Variants in PANK1 observed in about 807,000 individuals in gnomAD.
PANK1 encodes the protein pantothenate kinase 1.
PANK1 carries 18 observed loss-of-function variants against 40.1 expected under a neutral mutation model. The ratio of observed to expected loss-of-function variants is 0.45; its 90% CI spans 0.31 to 0.67. The LOEUF is 0.67. PANK1 is among the 30% of genes least tolerant of loss of function. The pLI is 0.06. For missense variants in PANK1, 457 were observed against 599.6 expected, an observed-to-expected ratio of 0.76 and a Z score of 2.48; for synonymous variants, 242 against 237.7, an observed-to-expected ratio of 1.02 and a Z score of -0.17.
At chr10:89,609,887 C>G (rs75763135) in intron 2 of PANK1, among the ~76,000 whole-genome samples, 1 of 152,280 alleles carries the variant, frequency 6.6e-6, no homozygotes, top group East Asian at 1.9e-4. Flanking sequence ...ATACGTTACC[C>G]CAGGGGAGAG....
chr10:89,593,314 G>A lies in PANK1; in HGVS notation c.1083C>T (p.Gly361=), dbSNP rs1844460952. Residue 361 remains glycine, a synonymous_variant, in exon 5 of 7, where the codon GGC becomes GGT. Coordinates refer to ENST00000307534, the MANE Select transcript of PANK1 (RefSeq NM_148977.3). Reference sequence around the variant, plus strand: ...CTCGCTTTTCTTTACTCATCATGTTGCCAAAGCTATGTTGGAAATATCAGC... The same window carrying A: ...CTCGCTTTTCTTTACTCATCATGTTACCAAAGCTATGTTGGAAATATCAGC... The part of the protein sequence containing the change: ...LQGSAVASSF[G]NMMSKEKRDS... 6.2e-7 allele frequency: 1 copy of A among 1,613,496 alleles called. No individual in the cohort carries two copies. Among genetic ancestry groups the A allele is most frequent in the Admixed American group, 1.7e-5 (1 of 59,984 alleles).
chr10:89,625,515 C>CT (rs1426684577), intron 1 of PANK1, among the ~76,000 whole-genome samples: 1 of 152,180 alleles, frequency 6.6e-6, no homozygotes, highest in Non-Finnish European at 1.5e-5. Context: ...GGGCTCCTCT[C>CT]TCCCCCTGAC....
intron 1 of PANK1, chr10:89,644,038 T>C: frequency 3.1e-6 from 1 of 325,588 alleles, no homozygotes; most frequent in African/African-American, 2.1e-5. Flanking sequence ...AACCCTCTCA[T>C]TGGCCGTGAA....
At chr10:89,604,051 T>G (rs1463112462) in intron 2 of PANK1, among the ~76,000 whole-genome samples, 1 of 152,192 alleles carries the variant, frequency 6.6e-6, no homozygotes, top group Non-Finnish European at 1.5e-5. Context: ...ACTGGTCCCT[T>G]GGAGATTTCT....
At chr10:89,620,079 A>G (rs2133977636) in intron 1 of PANK1, among the ~76,000 whole-genome samples, 1 of 152,284 alleles carries the variant, frequency 6.6e-6, no homozygotes, top group East Asian at 1.9e-4. Context: ...TGCGTCTTTA[A>G]TCTCTTAATC....
In PANK1 at chr10:89,645,120, C is replaced by T. The variant is rs963763631; in HGVS notation, c.-229G>A. ...CCGGCCCCACGGCGCCGGCCTGGAGCACGCCAGCCCCGGGCGCGGAATCGG... is the reference window on the plus strand; with the variant it reads ...CCGGCCCCACGGCGCCGGCCTGGAGTACGCCAGCCCCGGGCGCGGAATCGG... On this transcript the variant is annotated 5_prime_UTR_variant, in exon 1 of 7. Coordinates refer to ENST00000307534, the MANE Select transcript of PANK1 (RefSeq NM_148977.3). The T allele has an allele frequency of 2.8e-5, 42 of 1,490,606 alleles. No individual in the cohort carries two copies. In the African/African-American group the frequency reaches 5.9e-4, roughly 21 times the overall value. The allele number at this position is 1,490,606 out of a possible 1,614,324, so 92.3% of individuals were successfully genotyped here.
At chr10:89,633,256 C>T (rs11185822) in intron 1 of PANK1, among the ~76,000 whole-genome samples, 7,882 of 152,184 alleles carry the variant, frequency 0.052, 427 homozygotes, top group South Asian at 0.15. Context: ...GGCTTTAGCA[C>T]AACGCTGAGA....
At chr10:89,592,093 G>T (rs1173004628) in intron 5 of PANK1, among the ~76,000 whole-genome samples, 3 of 152,134 alleles carry the variant, frequency 2.0e-5, no homozygotes, top group Admixed American at 2.0e-4. Context: ...GACTCAAGTG[G>T]ACTTTGAAAA....
At chr10:89,579,509 A>T, downstream of PANK1, 1 of 152,212 alleles carries the variant, frequency 6.6e-6, no homozygotes, top group Admixed American at 6.5e-5. Flanking sequence ...ATTTTACGTG[A>T]TAACTTTATT....
intron 5 of PANK1, among the ~76,000 whole-genome samples, chr10:89,590,014 T>C (rs1456976530): frequency 7.7e-6 from 1 of 130,068 alleles, no homozygotes; most frequent in East Asian, 2.2e-4. Flanking sequence ...AAATTCCAGG[T>C]GGGTCAAAGA....
At chr10:89,595,898 G>A (rs10881605) in intron 3 of PANK1, among the ~76,000 whole-genome samples, 69,071 of 106,404 alleles carry the variant, frequency 0.65, 22,033 homozygotes, top group East Asian at 0.94. Context: ...ATATATATAT[G>A]TACACACACA....
In PANK1 at chr10:89,645,120, C is replaced by A; in HGVS notation, c.-229G>T. ...CCGGCCCCACGGCGCCGGCCTGGAG[C>A]ACGCCAGCCCCGGGCGCGGAATCGG... On this transcript the variant is annotated 5_prime_UTR_variant, in exon 1 of 7. Coordinates refer to ENST00000307534, the MANE Select transcript of PANK1 (RefSeq NM_148977.3). 1 of 1,490,716 alleles carries A rather than the reference C, an allele frequency of 6.7e-7. No homozygotes were observed. The highest frequency in any genetic ancestry group is 8.9e-7 in the Non-Finnish European group (1 of 1,125,486). The allele number at this position is 1,490,716 out of a possible 1,614,324, so 92.3% of individuals were successfully genotyped here.
intron 1 of PANK1, among the ~76,000 whole-genome samples, chr10:89,622,458 C>T (rs1394436599): frequency 6.6e-6 from 1 of 152,124 alleles, no homozygotes; most frequent in African/African-American, 2.4e-5. Context: ...TAAAAAGCTC[C>T]AGATTCCTAT....
At chr10:89,622,969 A>G (rs1845540300) in intron 1 of PANK1, among the ~76,000 whole-genome samples, 1 of 152,250 alleles carries the variant, frequency 6.6e-6, no homozygotes, top group Admixed American at 6.5e-5. Flanking sequence ...TAATTTAACC[A>G]TTAAAATCAC....
At chr10:89,616,499 G>T (rs1419414350) in intron 1 of PANK1, among the ~76,000 whole-genome samples, 1 of 152,172 alleles carries the variant, frequency 6.6e-6, no homozygotes, top group Non-Finnish European at 1.5e-5. Flanking sequence ...TTTGCCTGTA[G>T]TCCCAGATTC....
intron 6 of PANK1, among the ~76,000 whole-genome samples, chr10:89,587,829 A>G (rs1844249292): frequency 1.3e-5 from 2 of 152,226 alleles, no homozygotes; most frequent in Non-Finnish European, 2.9e-5. Flanking sequence ...TTATAATCGT[A>G]TATATTTATG....
At chr10:89,632,902 C>G (rs1030202736) in intron 1 of PANK1, among the ~76,000 whole-genome samples, 1 of 152,184 alleles carries the variant, frequency 6.6e-6, no homozygotes, top group Non-Finnish European at 1.5e-5. Flanking sequence ...CCTCCCTCAT[C>G]AAACTTCTCA....
Position 89,611,909 on chromosome 10 carries a change from A to T in PANK1, c.432T>A (p.Thr144=), listed in dbSNP as rs202102594. The change falls in exon 2 of 7, where the codon ACT becomes ACA. Residue 144 remains threonine, a synonymous_variant. Coordinates refer to ENST00000307534, the MANE Select transcript of PANK1 (RefSeq NM_148977.3). The part of the protein sequence containing the change: ...KSIRKYLTSN[T]AYGKTGIRDV... Reference sequence around the variant, plus strand: ...CTCGGATCCCAGTTTTCCCATAAGCAGTATTAGAAGTCAAATACTTCCGGA... The same window carrying T: ...CTCGGATCCCAGTTTTCCCATAAGCTGTATTAGAAGTCAAATACTTCCGGA... The T allele has an allele frequency of 1.3e-4, 212 of 1,614,092 alleles. No individual in the cohort carries two copies. Among genetic ancestry groups the T allele is most frequent in the Admixed American group, 5.0e-5 (3 of 60,008 alleles).
At chr10:89,642,441 G>A (rs1000347262) in intron 1 of PANK1, among the ~76,000 whole-genome samples, 3 of 152,198 alleles carry the variant, frequency 2.0e-5, no homozygotes, top group African/African-American at 7.2e-5. Flanking sequence ...ATAATTATGT[G>A]TCTAGCTTGA....
Sources: allele counts gnomAD v4.1 joint callset (sites outside exome capture counted in the v4.1 genomes callset), GRCh38; gene constraint gnomAD v4.1.1; transcripts MANE v1.5; gene names NCBI Gene and HGNC (gene_info 2026-07-23, HGNC 2026-07-21).